CTSA: variants seen among roughly 807,000 people sequenced by gnomAD.
CTSA encodes the protein lysosomal protective protein.
In CTSA, 42 loss-of-function variants were observed where a neutral mutation model predicts 66.7. That is an observed-to-expected ratio of 0.63 (90% CI 0.49 to 0.81). The LOEUF (loss-of-function observed/expected upper bound fraction) is 0.81. CTSA is among the 40% of genes least tolerant of loss of function. The pLI is 0.00. For synonymous variants in CTSA, 225 were observed against 248.6 expected (o/e 0.91, Z 0.89); for missense variants, 525 against 610.9 (o/e 0.86, Z 1.48).
chr20:45,895,876 CA>C (rs1341454171), intron 11 of CTSA, among the ~76,000 whole-genome samples: 2 of 152,224 alleles, frequency 1.3e-5, no homozygotes, highest in Non-Finnish European at 2.9e-5. Context: ...AGGGTCCCCA[CA>C]CCCGGCCATC....
At position 45,892,038 on chromosome 20, in the gene CTSA, A is replaced by C. The variant is rs753451981; in HGVS notation, c.306+11A>C. ...CATGGCCCCTTCCTGGTGAGTGGACAGCAGGGGGAAAGCACAGTTCCCAAA... is the reference window on the plus strand; with the variant it reads ...CATGGCCCCTTCCTGGTGAGTGGACCGCAGGGGGAAAGCACAGTTCCCAAA... On this transcript the variant is annotated intron_variant, in intron 3 of 14. Coordinates refer to ENST00000646241, the MANE Select transcript of CTSA (RefSeq NM_000308.4). 9 of 1,606,734 alleles carry C rather than the reference A, an allele frequency of 5.6e-6. No individual in the cohort carries two copies. The highest frequency in any genetic ancestry group is 7.7e-6 in the Non-Finnish European group (9 of 1,173,312).
intron 8 of CTSA, 110 bp from the exon 9 acceptor site, chr20:45,894,540 A>G: frequency 9.9e-7 from 1 of 1,009,272 alleles, no homozygotes; most frequent in Non-Finnish European, 1.6e-6. Context: ...CCTGTGAAAA[A>G]AAGTGGGTGA....
intron 12 of CTSA, 144 bp downstream of exon 12, chr20:45,897,184 G>T (rs2083120086): frequency 1.3e-6 from 1 of 753,864 alleles, no homozygotes; most frequent in Non-Finnish European, 2.3e-6. Context: ...TGATTGGTGG[G>T]GTCAGAATTT....
intron 7 of CTSA, among the ~76,000 whole-genome samples, chr20:45,893,638 A>G (rs896159148): frequency 1.1e-4 from 17 of 151,910 alleles, no homozygotes; most frequent in African/African-American, 3.4e-4. Flanking sequence ...GCGTACCACC[A>G]CACCTGCCTA....
At chr20:45,893,028 C>A in intron 6 of CTSA, 148 bp downstream of exon 6, 2 of 1,016,804 alleles carry the variant, frequency 2.0e-6, no homozygotes, top group Non-Finnish European at 3.0e-6. Flanking sequence ...TGTCTGTGTG[C>A]CTCCCACACA....
chr20:45,891,931 G>A lies in CTSA; in HGVS notation c.210G>A (p.Gln70=). The A allele has an allele frequency of 6.2e-7, 1 of 1,614,128 alleles. No individual in the cohort carries two copies. Among genetic ancestry groups the A allele is most frequent in the Non-Finnish European group, 8.5e-7 (1 of 1,180,000 alleles). The part of the protein sequence containing the change: ...KHLHYWFVES[Q]KDPENSPVVL... ...CCCCTCCCAGGTTTGTGGAGTCCCA[G>A]AAGGATCCCGAGAACAGCCCTGTGG... is the stretch of plus-strand genomic sequence containing the variant. Residue 70 remains glutamine, a synonymous_variant, in exon 3 of 15, where the codon CAG becomes CAA. Coordinates refer to ENST00000646241, the MANE Select transcript of CTSA (RefSeq NM_000308.4). This position sits in a 1 kb window ranked among gnomAD's most constrained non-coding sequence, Gnocchi z 4.6.
chr20:45,893,873 C>T, intron 7 of CTSA, 115 bp from the exon 8 acceptor site: 1 of 767,796 alleles, frequency 1.3e-6, no homozygotes, highest in South Asian at 1.4e-5. Context: ...CCTGTGATAT[C>T]TTTCCCAGTC....
intron 10 of CTSA, 26 bp from the exon 11 acceptor site, chr20:45,894,968 C>T: frequency 6.2e-7 from 1 of 1,614,092 alleles, no homozygotes. Flanking sequence ...AAGCAGAGGC[C>T]CTGACCCACT....
chr20:45,895,760 T>C (rs575924171), intron 11 of CTSA, among the ~76,000 whole-genome samples: 1 of 152,242 alleles, frequency 6.6e-6, no homozygotes, highest in East Asian at 1.9e-4. Flanking sequence ...TTTAAAAAAT[T>C]TTTTTGTAGA....
intron 12 of CTSA, 93 bp downstream of exon 12, chr20:45,897,133 A>G: frequency 9.5e-7 from 1 of 1,048,016 alleles, no homozygotes; most frequent in East Asian, 2.4e-5. Flanking sequence ...CTGTCAGGAC[A>G]AGGGAAGCTG....
In CTSA at chr20:45,893,215, C is replaced by T; in HGVS notation, c.601-5C>T. 6.2e-7 allele frequency: 1 copy of T among 1,613,626 alleles called. No homozygotes were observed. The highest frequency in any genetic ancestry group is 8.5e-7 in the Non-Finnish European group (1 of 1,179,514). On this transcript the variant is annotated splice_polypyrimidine_tract_variant and splice_region_variant and intron_variant, in intron 6 of 14. Coordinates refer to ENST00000646241, the MANE Select transcript of CTSA (RefSeq NM_000308.4). ...CATGAGCTGAGCACCCTGGGTGTTTCACAGGGGCTGGCTGTGGGCAATGGA... is the reference window on the plus strand; with the variant it reads ...CATGAGCTGAGCACCCTGGGTGTTTTACAGGGGCTGGCTGTGGGCAATGGA...
At chr20:45,895,640 G>A (rs2083096756) in intron 11 of CTSA, among the ~76,000 whole-genome samples, 1 of 152,074 alleles carries the variant, frequency 6.6e-6, no homozygotes, top group Non-Finnish European at 1.5e-5. Context: ...CACATTGGTT[G>A]TTGTTTCACA....
Position 45,898,134 on chromosome 20 carries a change from T to G in CTSA, c.1359+25T>G, listed in dbSNP as rs1373611883. 1.9e-6 allele frequency: 3 copies of G among 1,606,606 alleles called. No homozygotes were observed. The highest frequency in any genetic ancestry group is 1.7e-6 in the Non-Finnish European group (2 of 1,173,302). ...GGTAGGGACTGGGCCTGCTGAGAGA[T>G]AACTGGGCCGGAGGCAAAGGAGCAG... On this transcript the variant is annotated intron_variant, in intron 14 of 14. Coordinates refer to ENST00000646241, the MANE Select transcript of CTSA (RefSeq NM_000308.4). This position sits in a 1 kb window ranked among gnomAD's most constrained non-coding sequence, Gnocchi z 4.6.
At chr20:45,892,129 C>G in intron 3 of CTSA, 102 bp downstream of exon 3, 1 of 1,443,284 alleles carries the variant, frequency 6.9e-7, no homozygotes, top group Non-Finnish European at 9.7e-7. Flanking sequence ...TCCTTCTAAG[C>G]CTCGGGATTT....
At chr20:45,892,121 C>A in intron 3 of CTSA, 94 bp downstream of exon 3, 4 of 1,453,236 alleles carry the variant, frequency 2.8e-6, no homozygotes, top group Non-Finnish European at 3.9e-6. Flanking sequence ...AGTTTCCTTC[C>A]TTCTAAGCCT....
At position 45,894,630 on chromosome 20, in the gene CTSA, G is replaced by A; in HGVS notation, c.778-20G>A. On this transcript the variant is annotated intron_variant, in intron 8 of 14. Coordinates refer to ENST00000646241, the MANE Select transcript of CTSA (RefSeq NM_000308.4). The stretch of plus-strand genomic sequence containing the variant: ...AGGCTGGGGATCTGTAAAGCATGGT[G>A]GCTTGGTGTATCATTGCAGCTTCAG... 1 of 1,608,006 alleles carries A rather than the reference G, an allele frequency of 6.2e-7. No individual in the cohort carries two copies. The highest frequency in any genetic ancestry group is 8.5e-7 in the Non-Finnish European group (1 of 1,174,454).
chr20:45,894,089 A>C lies in CTSA; in HGVS notation c.777+17A>C, dbSNP rs754325798. ...GTGACCAATGTGAGGTTCTGCCATC[A>C]CTTTGCATGAGCTCTCCCATCCCTA... is the stretch of plus-strand genomic sequence containing the variant. On this transcript the variant is annotated intron_variant, in intron 8 of 14. Coordinates refer to ENST00000646241, the MANE Select transcript of CTSA (RefSeq NM_000308.4). 4 of 1,539,888 alleles carry C rather than the reference A, an allele frequency of 2.6e-6. No individual in the cohort carries two copies. In the Admixed American group the frequency reaches 6.7e-5, roughly 26 times the overall value.
At position 45,898,046 on chromosome 20, in the gene CTSA, C is replaced by T; in HGVS notation, c.1296C>T (p.Asp432=). The T allele has an allele frequency of 6.2e-7, 1 of 1,614,138 alleles. No homozygotes were observed. Among genetic ancestry groups the T allele is most frequent in the Middle Eastern group, 1.6e-4 (1 of 6,062 alleles). Residue 432 remains aspartate, a synonymous_variant, in exon 14 of 15, where the codon GAC becomes GAT. Coordinates refer to ENST00000646241, the MANE Select transcript of CTSA (RefSeq NM_000308.4). This position sits in a 1 kb window ranked among gnomAD's most constrained non-coding sequence, Gnocchi z 4.6. ...GGCCCTGGTTAGTGAAGTACGGGGA[C>T]AGCGGGGAGCAGATTGCCGGCTTCG... ...QRRPWLVKYG[D]SGEQIAGFVK... is the part of the protein sequence containing the mutation.
At chr20:45,892,558 C>T (rs1389024813) in intron 5 of CTSA, 74 bp downstream of exon 5, 9 of 1,540,798 alleles carry the variant, frequency 5.8e-6, no homozygotes, top group African/African-American at 1.4e-5. Context: ...GGAGAGAGAG[C>T]ATGGCCTTGG....
Sources: gnomAD v4.1 joint callset for allele counts (sites outside exome capture counted in the v4.1 genomes callset) on GRCh38, gnomAD v4.1.1 for gene constraint, Gnocchi (gnomAD v3.1) non-coding constraint, MANE v1.5 for transcripts, NCBI Gene and HGNC (gene_info 2026-07-23, HGNC 2026-07-21) for gene names.